The following PARD3B variants were observed in gnomAD, a reference collection of about 807,000 sequenced individuals.
PARD3B encodes par-3 family cell polarity regulator beta.
A neutral mutation model predicts 130.2 loss-of-function variants in PARD3B; 103 were observed. That is an observed-to-expected ratio of 0.79 (90% CI 0.67 to 0.93). The LOEUF (loss-of-function observed/expected upper bound fraction) is 0.93, where lower values mean the gene tolerates loss of function less well. PARD3B is among the 40% of genes least tolerant of loss of function. The probability of loss-of-function intolerance (pLI) is 0.00; values close to 1 mark genes in which losing one functional copy is unlikely to be tolerated. For synonymous variants in PARD3B, 583 were observed against 553.2 expected (o/e 1.05, Z -0.76); for missense variants, 1,609 against 1,499.2 (o/e 1.07, Z -1.21).
chr2:205,495,921 G>A lies in PARD3B; in HGVS notation c.3045-3975G>A, dbSNP rs150802292. Among the ~76,000 whole-genome samples the A allele has an allele frequency of 1.2e-3, 150 of 129,546 alleles. 2 individuals are homozygous for A. Among genetic ancestry groups the A allele is most frequent in the Middle Eastern group, 3.7e-3 (1 of 272 alleles). 85.0% of individuals were successfully genotyped at this position (129,546 alleles called of 152,430 possible). On this transcript the variant is annotated intron_variant, in intron 20 of 22. Transcript: ENST00000406610. ...TGACAGCACCTGTCACACAGGAATT[G>A]TAAATAAACTCATGTACAATTCCTA...
intron 3 of PARD3B, among the ~76,000 whole-genome samples, chr2:204,975,020 G>A (rs1692022152): frequency 6.6e-6 from 1 of 152,068 alleles, no homozygotes; most frequent in Admixed American, 6.5e-5. Flanking sequence ...AGGATTCCAA[G>A]CCAAGTTATA....
intron 2 of PARD3B, among the ~76,000 whole-genome samples, chr2:204,862,982 T>A (rs2045271017): frequency 1.3e-5 from 2 of 152,100 alleles, no homozygotes; most frequent in Admixed American, 6.6e-5. Context: ...GGCGCAAACC[T>A]CCGGAGGCTC....
chr2:205,023,152 C>T (rs562630774), intron 3 of PARD3B, among the ~76,000 whole-genome samples: 4 of 152,064 alleles, frequency 2.6e-5, no homozygotes, highest in Non-Finnish European at 5.9e-5. Context: ...ATTAGAAGTT[C>T]GGTTGCATCG....
At chr2:204,707,281 T>C (rs2125290745) in intron 2 of PARD3B, among the ~76,000 whole-genome samples, 1 of 152,316 alleles carries the variant, frequency 6.6e-6, no homozygotes, top group African/African-American at 2.4e-5. Context: ...TGTCAGGAAT[T>C]TGTTCCAGAG....
chr2:205,216,103 A>G (rs1266624389), intron 15 of PARD3B, among the ~76,000 whole-genome samples: 1 of 152,186 alleles, frequency 6.6e-6, no homozygotes, highest in Non-Finnish European at 1.5e-5. Context: ...ATAACAGTCT[A>G]TGTTTACTAT....
chr2:205,496,337 C>T (rs1357360209), intron 20 of PARD3B, among the ~76,000 whole-genome samples: 1 of 152,058 alleles, frequency 6.6e-6, no homozygotes, highest in Non-Finnish European at 1.5e-5. Context: ...ATCTTACCAC[C>T]TTAAATACCT....
intron 14 of PARD3B, among the ~76,000 whole-genome samples, chr2:205,188,649 C>T (rs1389573195): frequency 6.6e-6 from 1 of 152,090 alleles, no homozygotes; most frequent in Non-Finnish European, 1.5e-5. Flanking sequence ...GTGACCTGCA[C>T]CATCCTGCAA....
chr2:205,108,928 T>A (rs181159549), intron 5 of PARD3B, among the ~76,000 whole-genome samples: 1 of 152,322 alleles, frequency 6.6e-6, no homozygotes, highest in Admixed American at 6.5e-5. Context: ...CATGATATAA[T>A]GTCCAGAAGA....
intron 2 of PARD3B, among the ~76,000 whole-genome samples, chr2:204,741,362 T>C (rs1292401880): frequency 6.6e-6 from 1 of 152,180 alleles, no homozygotes; most frequent in Non-Finnish European, 1.5e-5. Context: ...TCTTTGTTTT[T>C]TTCTATGATA....
At chr2:204,954,964 A>G (rs532320410) in intron 2 of PARD3B, among the ~76,000 whole-genome samples, 6 of 152,200 alleles carry the variant, frequency 3.9e-5, no homozygotes, top group Non-Finnish European at 7.3e-5. Flanking sequence ...TAAAAGCAGA[A>G]AGGTTCCTTT....
intron 1 of PARD3B, among the ~76,000 whole-genome samples, chr2:204,681,467 A>G (rs1417868234): frequency 1.3e-5 from 2 of 152,208 alleles, no homozygotes; most frequent in African/African-American, 4.8e-5. Context: ...ATGTTCTTCT[A>G]CTAGGCTTTT....
intron 22 of PARD3B, among the ~76,000 whole-genome samples, chr2:205,580,937 A>C (rs1274371341): frequency 2.0e-5 from 3 of 152,184 alleles, no homozygotes; most frequent in African/African-American, 7.2e-5. Flanking sequence ...AGTGACTTAC[A>C]ATATAAAGTA....
chr2:204,806,895 A>C (rs2042785430), intron 2 of PARD3B, among the ~76,000 whole-genome samples: 1 of 152,226 alleles, frequency 6.6e-6, no homozygotes, highest in Non-Finnish European at 1.5e-5. Flanking sequence ...AATGTGCTCA[A>C]CATCATTGCA....
At chr2:205,017,170 G>A (rs1304806933) in intron 3 of PARD3B, among the ~76,000 whole-genome samples, 1 of 152,136 alleles carries the variant, frequency 6.6e-6, no homozygotes, top group Non-Finnish European at 1.5e-5. Flanking sequence ...ATGTGAAGGA[G>A]TGTCTGGCCT....
chr2:205,553,901 A>T (rs1419848046), intron 22 of PARD3B, among the ~76,000 whole-genome samples: 1 of 151,686 alleles, frequency 6.6e-6, no homozygotes, highest in Non-Finnish European at 1.5e-5. Context: ...AGAGGCACAG[A>T]CCCAACGGGG....
rs1179150874 is a variant in PARD3B, at chr2:204,929,673, C to T, written c.223-35479C>T. Among the ~76,000 whole-genome samples, 3 of 150,918 alleles carry T rather than the reference C, an allele frequency of 2.0e-5. No individual in the cohort carries two copies. In the South Asian group the frequency reaches 6.3e-4, roughly 32 times the overall value. On this transcript the variant is annotated intron_variant, in intron 2 of 22. Coordinates refer to ENST00000406610, the MANE Select transcript of PARD3B (RefSeq NM_001302769.2). ...GTCAGGTGATCAACCAAGTGAGAAG[C>T]TTTTATAAATGTGTTGGTTCTTCTC... is the stretch of plus-strand genomic sequence containing the variant.
At chr2:205,194,853 G>A (rs1293140838) in intron 15 of PARD3B, among the ~76,000 whole-genome samples, 5 of 151,694 alleles carry the variant, frequency 3.3e-5, no homozygotes, top group East Asian at 1.9e-4. Flanking sequence ...GTGCGATCTC[G>A]GCTCACTGCA....
At chr2:205,076,521 G>A (rs1701073354) in intron 4 of PARD3B, among the ~76,000 whole-genome samples, 1 of 152,112 alleles carries the variant, frequency 6.6e-6, no homozygotes, top group East Asian at 1.9e-4. Flanking sequence ...CTAGATTGGG[G>A]ATCATCAGCC....
Position 204,967,370 on chromosome 2 carries a change from C to T in PARD3B, c.394+2047C>T, listed in dbSNP as rs1691341501. 6.6e-6 allele frequency among the ~76,000 whole-genome samples: 1 copy of T among 152,176 alleles called. No individual in the cohort carries two copies. The highest frequency in any genetic ancestry group is 2.1e-4 in the South Asian group (1 of 4,832). Reference sequence around the variant, plus strand: ...CCATCAATTAGACTATTGCAGAGGCCTCAGACTGACCTCTTTCTTTACACT... The same window carrying T: ...CCATCAATTAGACTATTGCAGAGGCTTCAGACTGACCTCTTTCTTTACACT... On this transcript the variant is annotated intron_variant, in intron 3 of 22. Transcript: ENST00000406610. This position sits in a 1 kb window ranked among gnomAD's most constrained non-coding sequence, Gnocchi z 4.4.
Sources: gnomAD v4.1 joint callset for allele counts (sites outside exome capture counted in the v4.1 genomes callset) on GRCh38, gnomAD v4.1.1 for gene constraint, Gnocchi (gnomAD v3.1) non-coding constraint, MANE v1.5 for transcripts, NCBI Gene and HGNC (gene_info 2026-07-23, HGNC 2026-07-21) for gene names.